SOX5: variants seen among roughly 807,000 people sequenced by gnomAD.
SOX5 encodes transcription factor SOX-5.
In SOX5, 9 loss-of-function variants were observed where a neutral mutation model predicts 92.0. That is an observed-to-expected ratio of 0.10 (90% CI 0.06 to 0.17). The LOEUF is 0.17. SOX5 is among the 10% of genes least tolerant of loss of function. SOX5 has a pLI of 1.00. For missense variants in SOX5, 642 were observed against 944.5 expected (o/e 0.68, Z 4.20); for synonymous variants, 344 against 336.3 (o/e 1.02, Z -0.25).
intron 6 of SOX5, among the ~76,000 whole-genome samples, chr12:23,700,569 A>G (rs1178720355): frequency 6.6e-6 from 1 of 152,020 alleles, no homozygotes; most frequent in Admixed American, 6.6e-5. Flanking sequence ...GCAAAAGCTG[A>G]CCATACTCTC....
intron 2 of SOX5, among the ~76,000 whole-genome samples, chr12:24,348,291 C>T (rs148032377): frequency 1.2e-3 from 181 of 152,114 alleles, no homozygotes; most frequent in African/African-American, 4.2e-3. Context: ...GTCTACTGGT[C>T]CTTCTATAAC....
At chr12:23,779,918 G>A (rs1275512603) in intron 3 of SOX5, among the ~76,000 whole-genome samples, 1 of 143,610 alleles carries the variant, frequency 7.0e-6, no homozygotes, top group African/African-American at 2.6e-5. Context: ...ATTAGAAAAA[G>A]ACATGTGTTT....
At chr12:23,595,024 AAATTACCCATTTGTTT>A (rs958894414) in intron 9 of SOX5, among the ~76,000 whole-genome samples, 5 of 152,108 alleles carry the variant, frequency 3.3e-5, no homozygotes, top group Non-Finnish European at 5.9e-5. Context: ...AGCATGCACA[AAATTACCCATTTGTTT>A]AATTGCCCAT....
chr12:24,449,537 T>C (rs769713513), intron 1 of SOX5, among the ~76,000 whole-genome samples: 3 of 152,248 alleles, frequency 2.0e-5, no homozygotes, highest in Non-Finnish European at 4.4e-5. Context: ...TTCATGTCGC[T>C]TTGTGTTGCT....
At chr12:24,376,703 T>A (rs1473248063) in intron 1 of SOX5, among the ~76,000 whole-genome samples, 3 of 28,128 alleles carry the variant, frequency 1.1e-4, no homozygotes, top group Non-Finnish European at 2.6e-4. Context: ...TTTTTTTTTT[T>A]TTTTTTTTTT....
At chr12:24,559,087 A>T (rs1438279896) in intron 1 of SOX5, among the ~76,000 whole-genome samples, 2 of 152,244 alleles carry the variant, frequency 1.3e-5, no homozygotes, top group Admixed American at 6.5e-5. Flanking sequence ...ACAAAATTGG[A>T]CTTTTATTTC....
At chr12:24,552,436 G>T (rs187181354) in intron 1 of SOX5, among the ~76,000 whole-genome samples, 20 of 152,262 alleles carry the variant, frequency 1.3e-4, no homozygotes, top group Admixed American at 3.9e-4. Context: ...CACCTACAGA[G>T]ATTCAGGTTC....
At chr12:24,204,327 A>ATT (rs33920840) in intron 4 of SOX5, among the ~76,000 whole-genome samples, 7 of 149,960 alleles carry the variant, frequency 4.7e-5, no homozygotes, top group East Asian at 2.0e-4. Flanking sequence ...TATTATTATT[A>ATT]ATTATTATTA....
chr12:23,940,327 T>C (rs575307826), intron 1 of SOX5, among the ~76,000 whole-genome samples: 1 of 151,176 alleles, frequency 6.6e-6, no homozygotes, highest in Non-Finnish European at 1.5e-5. Flanking sequence ...TAAAAACTCC[T>C]AAGAGACACC....
chr12:23,650,942 A>G (rs1002427513), intron 7 of SOX5, among the ~76,000 whole-genome samples: 11 of 152,160 alleles, frequency 7.2e-5, no homozygotes, highest in African/African-American at 2.7e-4. Context: ...AACTATTGCA[A>G]ATAAATCAAT....
chr12:24,392,127 C>A (rs1438805783), intron 1 of SOX5, among the ~76,000 whole-genome samples: 1 of 152,180 alleles, frequency 6.6e-6, no homozygotes, highest in Admixed American at 6.5e-5. Context: ...CTTTTCACAT[C>A]TTGACTTCTC....
At chr12:23,856,000 G>A (rs2096684523) in intron 2 of SOX5, among the ~76,000 whole-genome samples, 1 of 152,144 alleles carries the variant, frequency 6.6e-6, no homozygotes, top group East Asian at 1.9e-4. Flanking sequence ...AACATGAACT[G>A]ACATTAGGCA....
intron 1 of SOX5, among the ~76,000 whole-genome samples, chr12:24,416,331 A>G (rs1026119356): frequency 6.6e-6 from 1 of 152,178 alleles, no homozygotes; most frequent in African/African-American, 2.4e-5. Context: ...TAACATACCC[A>G]TGAATCTCCA....
At chr12:24,453,288 T>G (rs934238491) in intron 1 of SOX5, among the ~76,000 whole-genome samples, 1 of 145,766 alleles carries the variant, frequency 6.9e-6, no homozygotes, top group Non-Finnish European at 1.5e-5. Flanking sequence ...GGCACTATGT[T>G]TTGAAATAAT....
At chr12:24,310,502 C>A (rs1949064495) in intron 2 of SOX5, among the ~76,000 whole-genome samples, 1 of 152,170 alleles carries the variant, frequency 6.6e-6, no homozygotes, top group Admixed American at 6.5e-5. Flanking sequence ...CTCAGCCTAT[C>A]CCTGTCCCCA....
intron 2 of SOX5, among the ~76,000 whole-genome samples, chr12:24,298,696 G>C (rs1479306018): frequency 2.8e-5 from 4 of 144,544 alleles, no homozygotes; most frequent in Admixed American, 7.2e-5. Flanking sequence ...AATACTATGA[G>C]AGAAGAACTT....
In SOX5 at chr12:23,604,476, C is replaced by G. The variant is rs754590341; in HGVS notation, c.1075G>C (p.Gly359Arg). The G allele has an allele frequency of 1.2e-5, 20 of 1,613,690 alleles. No individual in the cohort carries two copies. Among genetic ancestry groups the G allele is most frequent in the Non-Finnish European group, 8.5e-6 (10 of 1,179,826 alleles). The change falls in exon 9 of 15, where the codon GGC becomes CGC. Residue 359 changes from glycine (G) to arginine (R), a missense_variant. Gly to Arg is a moderately radical substitution (Grantham distance 125). Transcript: ENST00000451604. ...MQVSPGGKLP[G>R]IPQGNLGAAV... ...GCACCAAGGTTGCCTTGGGGTATGC[C>G]TGGCAGCTTCCCTCCTGGAGATACC...
intron 2 of SOX5, among the ~76,000 whole-genome samples, chr12:24,332,980 ATGAT>A (rs1157818126): frequency 6.6e-6 from 1 of 152,156 alleles, no homozygotes. Context: ...AAAATTATCT[ATGAT>A]TGGTTTACCA....
At chr12:24,212,454 A>G (rs1275401333) in intron 4 of SOX5, 2 of 534,298 alleles carry the variant, frequency 3.7e-6, no homozygotes, top group Non-Finnish European at 7.7e-6. Context: ...GATGTGTAGG[A>G]GCTAAGACAC....
Sources: gnomAD v4.1 joint callset for allele counts (sites outside exome capture counted in the v4.1 genomes callset) on GRCh38, gnomAD v4.1.1 for gene constraint, MANE v1.5 for transcripts, NCBI Gene and HGNC (gene_info 2026-07-23, HGNC 2026-07-21) for gene names.